UNC79: variants seen among roughly 807,000 people sequenced by gnomAD.
UNC79 encodes the protein unc-79 subunit of NALCN channel complex, also known as protein unc-79 homolog.
Under a neutral mutation model 283.1 loss-of-function variants are expected in UNC79, and 37 were observed. The ratio of observed to expected loss-of-function variants is 0.13; its 90% CI spans 0.10 to 0.17. UNC79 has a LOEUF of 0.17. UNC79 is among the 10% of genes least tolerant of loss of function. The pLI is 1.00. For missense variants in UNC79, 2,272 were observed against 3,211.1 expected (o/e 0.71, Z 7.07); for synonymous variants, 1,107 against 1,200.2 (o/e 0.92, Z 1.61).
chr14:93,613,825 A>G (rs2066488175), intron 27 of UNC79, among the ~76,000 whole-genome samples: 1 of 152,108 alleles, frequency 6.6e-6, no homozygotes, highest in Admixed American at 6.5e-5. Flanking sequence ...AGTTTATATT[A>G]ATTTCAATTG....
At chr14:93,401,610 C>A (rs567875273) in intron 1 of UNC79, among the ~76,000 whole-genome samples, 2 of 152,322 alleles carry the variant, frequency 1.3e-5, no homozygotes, top group South Asian at 4.1e-4. Context: ...CCCCACTCCA[C>A]CTCAAGAAAA....
At chr14:93,684,741 C>T (rs1230236390) in intron 42 of UNC79, among the ~76,000 whole-genome samples, 1 of 152,044 alleles carries the variant, frequency 6.6e-6, no homozygotes, top group East Asian at 1.9e-4. Flanking sequence ...CTGTATTTTC[C>T]AAATTTCCTA....
At chr14:93,516,459 G>GT (rs1278950938) in intron 7 of UNC79, among the ~76,000 whole-genome samples, 2 of 113,162 alleles carry the variant, frequency 1.8e-5, no homozygotes, top group Non-Finnish European at 3.5e-5. Context: ...TTGGGGGGGG[G>GT]GGTGGGGGAT....
exon 38 of UNC79, chr14:93,655,306 A>T: frequency 6.2e-7 from 1 of 1,614,184 alleles, no homozygotes; most frequent in East Asian, 2.2e-5. Context: ...TGCAACCTTC[A>T]TGGAAGCTTT....
chr14:93,434,734 G>T (rs1409352800), intron 1 of UNC79, among the ~76,000 whole-genome samples: 1 of 152,194 alleles, frequency 6.6e-6, no homozygotes, highest in Non-Finnish European at 1.5e-5. Flanking sequence ...ATAAAATGGG[G>T]ATAGTTATAG....
chr14:93,371,635 T>G (rs939704249), intron 1 of UNC79, among the ~76,000 whole-genome samples: 4 of 151,906 alleles, frequency 2.6e-5, no homozygotes, highest in Admixed American at 2.6e-4. Flanking sequence ...GGTCAGGAGA[T>G]CGAGACCATC....
chr14:93,699,207 A>G (rs1398661452), intron 47 of UNC79, among the ~76,000 whole-genome samples: 1 of 152,126 alleles, frequency 6.6e-6, no homozygotes, highest in Non-Finnish European at 1.5e-5. Flanking sequence ...TGTTGGGTTT[A>G]AATCTATTAT....
rs562802167 is a variant in UNC79 at position 93,552,687 on chromosome 14, T to C, written c.1755+9991T>C. Among the ~76,000 whole-genome samples, 5 of 152,140 alleles carry C rather than the reference T, an allele frequency of 3.3e-5. No individual in the cohort carries two copies. In the East Asian group the frequency reaches 9.6e-4, roughly 29 times the overall value. ...GCGTGAAGTGCAGCAAGAATAATTA[T>C]TTGCCATATAAACTTTTTTTTTTAA... On this transcript the variant is annotated intron_variant, in intron 14 of 48. Transcript: ENST00000555664.
Position 93,617,399 on chromosome 14 carries a change from G to T in UNC79, c.4224+95G>T, listed in dbSNP as rs1056603966. 2 of 1,346,716 alleles carry T rather than the reference G, an allele frequency of 1.5e-6. No homozygotes were observed. The highest frequency in any genetic ancestry group is 2.0e-6 in the Non-Finnish European group (2 of 999,848). 83.4% of individuals were successfully genotyped at this position (1,346,716 alleles called of 1,614,324 possible). A position where few individuals can be genotyped will look rare whatever the true frequency, so the allele number is the denominator to read the frequency against. ...ACCTGAGTCTTTAGTTGAAAATTTT[G>T]TAGAAGTTTGACCTTCAGAAGGAAG... On this transcript the variant is annotated intron_variant, in intron 28 of 48. Coordinates refer to ENST00000555664, the Ensembl canonical transcript of UNC79. The surrounding 1 kb of genome is among the most constrained non-coding windows in gnomAD (Gnocchi z 4.5).
At chr14:93,662,700 C>A in exon 40 of UNC79, 1 of 1,607,866 alleles carries the variant, frequency 6.2e-7, no homozygotes, top group South Asian at 1.1e-5. Context: ...CTTATGTTAC[C>A]GAGCTTTCAC....
At chr14:93,656,844 A>G (rs1012873295) in intron 38 of UNC79, among the ~76,000 whole-genome samples, 8 of 152,212 alleles carry the variant, frequency 5.3e-5, no homozygotes, top group South Asian at 2.1e-4. Flanking sequence ...TTTCAAAAAT[A>G]TAAGATAAAA....
At chr14:93,406,937 G>A (rs1190750911) in intron 1 of UNC79, among the ~76,000 whole-genome samples, 3 of 152,104 alleles carry the variant, frequency 2.0e-5, no homozygotes, top group Non-Finnish European at 4.4e-5. Context: ...AAATCAAGGC[G>A]TCAGCAGATG....
At position 93,567,708 on chromosome 14, in the gene UNC79, A is replaced by G. The variant is rs1398445730; in HGVS notation, c.1756-4186A>G. 2.0e-5 allele frequency among the ~76,000 whole-genome samples: 3 copies of G among 152,180 alleles called. No homozygotes were observed. In the East Asian group the frequency reaches 5.8e-4, roughly 29 times the overall value. On this transcript the variant is annotated intron_variant, in intron 14 of 48. Coordinates refer to ENST00000555664, the Ensembl canonical transcript of UNC79. ...GCTGAAGTTTTTCTTTTATCAGTAG[A>G]ATGACTACTTTCTTTTGTGAACCCC...
rs35000706 is a variant in UNC79, at chr14:93,662,877, A to AACAC, written c.6636+187_6636+190dup. Among the ~76,000 whole-genome samples, 490 of 148,592 alleles carry AACAC rather than the reference A, an allele frequency of 3.3e-3. 3 individuals carry two copies. Among genetic ancestry groups the AACAC allele is most frequent in the African/African-American group, 8.1e-3 (331 of 40,668 alleles). On this transcript the variant is annotated intron_variant, in intron 40 of 48. Transcript: ENST00000555664. ...AATACCATGGTAAGGAAACACTTTA[A>AACAC]ACACACACACACACACACACACACA...
chr14:93,608,747 A>G (rs886172221), intron 26 of UNC79, among the ~76,000 whole-genome samples: 15 of 152,226 alleles, frequency 9.9e-5, no homozygotes, highest in Non-Finnish European at 1.8e-4. Context: ...GAGTCAGTTC[A>G]CATAGAGAAA....
chr14:93,573,085 G>A (rs1238203415), intron 16 of UNC79, among the ~76,000 whole-genome samples: 1 of 152,112 alleles, frequency 6.6e-6, no homozygotes, highest in Non-Finnish European at 1.5e-5. Context: ...TCCATCAATA[G>A]CTATTAAAAG....
At chr14:93,655,435 A>C (rs754519088) in intron 38 of UNC79, 28 bp downstream of exon 41, 6 of 1,605,934 alleles carry the variant, frequency 3.7e-6, no homozygotes, top group Non-Finnish European at 5.1e-6. Context: ...TTTCATTTTC[A>C]ATTAATTTCT....
intron 14 of UNC79, among the ~76,000 whole-genome samples, chr14:93,552,935 G>A (rs149985164): frequency 6.9e-4 from 105 of 152,298 alleles, no homozygotes; most frequent in African/African-American, 2.2e-3. Flanking sequence ...GCATAGACAG[G>A]ATATGAGGGC....
intron 1 of UNC79, among the ~76,000 whole-genome samples, chr14:93,393,281 G>A (rs1207738635): frequency 6.6e-6 from 1 of 152,084 alleles, no homozygotes; most frequent in Non-Finnish European, 1.5e-5. Context: ...AGTTTGGAGG[G>A]GACATTCAAA....
Sources: gnomAD v4.1 joint callset for allele counts (sites outside exome capture counted in the v4.1 genomes callset) on GRCh38, gnomAD v4.1.1 for gene constraint, Gnocchi (gnomAD v3.1) non-coding constraint, MANE v1.5 for transcripts, NCBI Gene and HGNC (gene_info 2026-07-23, HGNC 2026-07-21) for gene names.